Variants in ROCK1 observed in about 807,000 individuals in gnomAD.
The protein encoded by ROCK1 is Rho associated coiled-coil containing protein kinase 1.
A neutral mutation model predicts 196.8 loss-of-function variants in ROCK1; 36 were observed. That is an observed-to-expected ratio of 0.18 (90% CI 0.14 to 0.24). The LOEUF is 0.24. Ranked by LOEUF, ROCK1 falls within the 10% of genes least tolerant of loss-of-function variation. The pLI, the probability that ROCK1 is intolerant of heterozygous loss-of-function variation, is 1.00. For missense variants in ROCK1, 920 were observed against 1,562.0 expected (o/e 0.59, Z 6.93); for synonymous variants, 443 against 515.9 (o/e 0.86, Z 1.91).
chr18:21,042,451 T>C, intron 7 of ROCK1, 114 bp downstream of exon 7: 1 of 1,231,202 alleles, frequency 8.1e-7, no homozygotes, highest in Non-Finnish European at 1.1e-6. Flanking sequence ...TCATGTTTAT[T>C]ACCCACAAAT....
intron 1 of ROCK1, among the ~76,000 whole-genome samples, chr18:21,094,384 T>C (rs1048179998): frequency 1.3e-5 from 2 of 152,078 alleles, no homozygotes; most frequent in African/African-American, 4.8e-5. Flanking sequence ...AACTAGAATA[T>C]ATAAGGAGCT....
chr18:21,076,613 C>A (rs2036433651), intron 1 of ROCK1, among the ~76,000 whole-genome samples: 1 of 151,550 alleles, frequency 6.6e-6, no homozygotes, highest in Non-Finnish European at 1.5e-5. Context: ...GGGGTTTCAC[C>A]ATGTTGGCCA....
chr18:20,977,309 A>G (rs1190074044), intron 22 of ROCK1, among the ~76,000 whole-genome samples: 1 of 152,272 alleles, frequency 6.6e-6, no homozygotes, highest in Admixed American at 6.5e-5. Flanking sequence ...TCAGCATGAT[A>G]CACAAGGTCC....
intron 2 of ROCK1, among the ~76,000 whole-genome samples, chr18:21,065,996 T>C (rs1325038066): frequency 6.6e-6 from 1 of 152,172 alleles, no homozygotes; most frequent in African/African-American, 2.4e-5. Context: ...AAATATTTTA[T>C]CCCATATTCC....
chr18:20,981,733 C>T (rs190597775), intron 21 of ROCK1, among the ~76,000 whole-genome samples: 2 of 152,226 alleles, frequency 1.3e-5, no homozygotes, highest in East Asian at 3.9e-4. Context: ...CAAAAAAATA[C>T]ATAAATGTCC....
At chr18:21,031,326 C>G (rs576287780) in intron 9 of ROCK1, among the ~76,000 whole-genome samples, 1 of 152,020 alleles carries the variant, frequency 6.6e-6, no homozygotes, top group Admixed American at 6.5e-5. Context: ...TAGAAACCAC[C>G]AGGCGTGGTG....
chr18:21,043,778 A>T (rs143946414), intron 6 of ROCK1, among the ~76,000 whole-genome samples: 1 of 151,974 alleles, frequency 6.6e-6, no homozygotes, highest in Non-Finnish European at 1.5e-5. Flanking sequence ...TAATTTTAAC[A>T]CTGGCATAAG....
chr18:21,061,240 G>T (rs577902432), intron 2 of ROCK1, among the ~76,000 whole-genome samples: 1 of 151,782 alleles, frequency 6.6e-6, no homozygotes, highest in Non-Finnish European at 1.5e-5. Flanking sequence ...CACCATACCC[G>T]GCTAATTTTC....
At position 20,950,413 on chromosome 18, in the gene ROCK1, A is replaced by G. The variant is rs1433911342; in HGVS notation, c.*971T>C. Reference sequence around the variant, plus strand: ...AAAATACATTTTTTGAAATTTCTATACTTACTCATGGCAGTAAAATAATTA... The same window carrying G: ...AAAATACATTTTTTGAAATTTCTATGCTTACTCATGGCAGTAAAATAATTA... On this transcript the variant is annotated 3_prime_UTR_variant, in exon 33 of 33. Coordinates refer to ENST00000399799, the MANE Select transcript of ROCK1 (RefSeq NM_005406.3). 3 of 152,560 alleles carry G rather than the reference A, an allele frequency of 2.0e-5. No homozygotes were observed. Among genetic ancestry groups the G allele is most frequent in the African/African-American group, 7.2e-5 (3 of 41,424 alleles). The allele number at this position is 152,560 out of a possible 1,614,324, so 9.5% of individuals were successfully genotyped here.
intron 26 of ROCK1, 76 bp downstream of exon 26, chr18:20,967,676 G>A (rs2143355368): frequency 5.3e-6 from 6 of 1,133,964 alleles, no homozygotes; most frequent in Non-Finnish European, 7.4e-6. Flanking sequence ...AAGATAAATA[G>A]ATAACAAGTA....
Position 21,006,708 on chromosome 18 carries a change from T to C in ROCK1, c.1629A>G (p.Leu543=), listed in dbSNP as rs1329205826. ...CATTTGAAACACTTACCTGCTTTTGTAACTGGGACAGCTTCTCATTAGCAA... is the reference window on the plus strand; with the variant it reads ...CATTTGAAACACTTACCTGCTTTTGCAACTGGGACAGCTTCTCATTAGCAA... The part of the protein sequence containing the change: ...SQLANEKLSQ[L]QKQLEEANDL... Residue 543 remains leucine, a synonymous_variant, in exon 15 of 33, where the codon TTA becomes TTG. Transcript: ENST00000399799. 1.3e-6 allele frequency: 2 copies of C among 1,599,352 alleles called. No homozygotes were observed. Among genetic ancestry groups the C allele is most frequent in the African/African-American group, 2.7e-5 (2 of 73,944 alleles).
At chr18:21,062,031 T>A (rs1336603942) in intron 2 of ROCK1, among the ~76,000 whole-genome samples, 1 of 152,188 alleles carries the variant, frequency 6.6e-6, no homozygotes, top group African/African-American at 2.4e-5. Context: ...GAATTATAGT[T>A]ATGTGTATAG....
intron 2 of ROCK1, among the ~76,000 whole-genome samples, chr18:21,055,132 T>G (rs1265253834): frequency 6.6e-6 from 1 of 152,220 alleles, no homozygotes; most frequent in South Asian, 2.1e-4. Context: ...TTACTTAGTT[T>G]GGCAAAACGA....
At chr18:20,978,428 G>A (rs1303264176) in intron 22 of ROCK1, among the ~76,000 whole-genome samples, 4 of 152,146 alleles carry the variant, frequency 2.6e-5, no homozygotes, top group Non-Finnish European at 5.9e-5. Context: ...CAGGATGTCA[G>A]AAATGTTCTA....
intron 1 of ROCK1, among the ~76,000 whole-genome samples, chr18:21,081,287 G>A (rs1412027187): frequency 6.6e-6 from 1 of 151,894 alleles, no homozygotes; most frequent in East Asian, 1.9e-4. Flanking sequence ...AAAATCATTG[G>A]GAAATTAGAA....
intron 18 of ROCK1, among the ~76,000 whole-genome samples, chr18:20,988,100 C>A (rs1188010822): frequency 7.2e-5 from 11 of 151,926 alleles, no homozygotes; most frequent in Admixed American, 7.2e-4. Flanking sequence ...GTGTCTCGCT[C>A]TGTTGCCCAG....
intron 14 of ROCK1, among the ~76,000 whole-genome samples, chr18:21,007,819 C>T (rs958413922): frequency 8.5e-5 from 13 of 152,122 alleles, no homozygotes; most frequent in African/African-American, 2.9e-4. Flanking sequence ...CCAGTATGCA[C>T]ACCATGATGA....
At chr18:21,041,028 G>C (rs2036100884) in intron 8 of ROCK1, among the ~76,000 whole-genome samples, 1 of 152,032 alleles carries the variant, frequency 6.6e-6, no homozygotes, top group African/African-American at 2.4e-5. Flanking sequence ...GGCTGAGGCA[G>C]GAGAATCACT....
At chr18:21,014,619 C>G (rs570104431) in intron 13 of ROCK1, among the ~76,000 whole-genome samples, 1 of 152,254 alleles carries the variant, frequency 6.6e-6, no homozygotes, top group East Asian at 1.9e-4. Flanking sequence ...CACTCAGAGT[C>G]AAATATATAC....
Sources: allele counts gnomAD v4.1 joint callset (sites outside exome capture counted in the v4.1 genomes callset), GRCh38; gene constraint gnomAD v4.1.1; transcripts MANE v1.5; gene names NCBI Gene and HGNC (gene_info 2026-07-23, HGNC 2026-07-21).